Variants in MARCHF1 observed in about 807,000 individuals in gnomAD.
MARCHF1 encodes membrane associated ring-CH-type finger 1.
In MARCHF1, 40 loss-of-function variants were observed where a neutral mutation model predicts 54.2. The observed-to-expected ratio is 0.74, with a 90% CI of 0.57 to 0.96. The LOEUF is 0.96. MARCHF1 is among the 40% of genes least tolerant of loss of function. MARCHF1 has a pLI of 0.00. For synonymous variants in MARCHF1, 236 were observed against 236.3 expected (o/e 1.00, Z 0.01); for missense variants, 586 against 656.5 (o/e 0.89, Z 1.17).
At chr4:163,854,594 C>T (rs541880413) in intron 3 of MARCHF1, among the ~76,000 whole-genome samples, 5 of 152,022 alleles carry the variant, frequency 3.3e-5, no homozygotes, top group Non-Finnish European at 7.4e-5. Context: ...CTACAGAAGC[C>T]GAATAAATCG....
rs142778272 is a variant in MARCHF1, at chr4:164,071,679, C to G, written c.-248+39909G>C. On this transcript the variant is annotated intron_variant, in intron 2 of 9. Transcript: ENST00000514618. ...CCTTTGAGATGTTTTGCTGGTCTTACTTCTTTTTATAAGATCTATCTTTAG... is the reference window on the plus strand; with the variant it reads ...CCTTTGAGATGTTTTGCTGGTCTTAGTTCTTTTTATAAGATCTATCTTTAG... Among the ~76,000 whole-genome samples, 1,199 of 152,192 alleles carry G rather than the reference C, an allele frequency of 7.9e-3. 12 individuals are homozygous for G. The highest frequency in any genetic ancestry group is 0.051 in the Middle Eastern group (15 of 292).
intron 1 of MARCHF1, among the ~76,000 whole-genome samples, chr4:164,378,547 G>A (rs952841807): frequency 4.6e-5 from 7 of 152,160 alleles, no homozygotes; most frequent in Non-Finnish European, 7.3e-5. Flanking sequence ...GGCTGGGTGC[G>A]GTGGCTACGC....
At chr4:163,741,369 G>A (rs954995986) in intron 4 of MARCHF1, among the ~76,000 whole-genome samples, 1 of 152,078 alleles carries the variant, frequency 6.6e-6, no homozygotes, top group African/African-American at 2.4e-5. Flanking sequence ...TGGATTACTT[G>A]AGGTCAGGAG....
chr4:163,891,661 T>C (rs781149028), intron 3 of MARCHF1, among the ~76,000 whole-genome samples: 10 of 152,284 alleles, frequency 6.6e-5, no homozygotes, highest in Non-Finnish European at 1.2e-4. Context: ...TCTGTATCTC[T>C]TTCCCCCTGA....
intron 7 of MARCHF1, among the ~76,000 whole-genome samples, chr4:163,611,946 C>T (rs539099357): frequency 1.3e-5 from 2 of 152,234 alleles, no homozygotes; most frequent in African/African-American, 4.8e-5. Context: ...TAACATTTCA[C>T]ACAGTCTCAC....
chr4:163,797,875 G>GTTT (rs1747963648), intron 4 of MARCHF1, among the ~76,000 whole-genome samples: 1 of 144,728 alleles, frequency 6.9e-6, no homozygotes, highest in Non-Finnish European at 1.6e-5. Context: ...CTTTTCTCTT[G>GTTT]TTTTCTGCTC....
At chr4:163,750,328 G>C (rs1045906608) in intron 4 of MARCHF1, among the ~76,000 whole-genome samples, 1 of 151,662 alleles carries the variant, frequency 6.6e-6, no homozygotes, top group Non-Finnish European at 1.5e-5. Context: ...TGGCTAACAC[G>C]GTGAAACCCC....
chr4:164,099,948 A>T (rs1325866901), intron 2 of MARCHF1, among the ~76,000 whole-genome samples: 7 of 152,222 alleles, frequency 4.6e-5, no homozygotes, highest in Non-Finnish European at 1.0e-4. Context: ...CAAAGAAAAC[A>T]GCCACAGCTC....
intron 2 of MARCHF1, among the ~76,000 whole-genome samples, chr4:164,015,849 A>T (rs911472457): frequency 5.9e-5 from 9 of 152,142 alleles, no homozygotes; most frequent in Non-Finnish European, 1.0e-4. Flanking sequence ...CTGTTGGTAA[A>T]AATGTAAGTT....
intron 2 of MARCHF1, among the ~76,000 whole-genome samples, chr4:164,091,438 TGAATTGCACGCA>T (rs1755300749): frequency 1.2e-5 from 1 of 83,228 alleles, no homozygotes; most frequent in Non-Finnish European, 2.7e-5. Flanking sequence ...ATGTATAAAA[TGAATTGCACGCA>T]GTTAATATGT....
At chr4:163,544,710 C>CTAA (rs1560932616) in intron 9 of MARCHF1, among the ~76,000 whole-genome samples, 4 of 151,910 alleles carry the variant, frequency 2.6e-5, no homozygotes, top group African/African-American at 9.7e-5. Context: ...TACCTCCTCT[C>CTAA]TTTTTTTGTT....
chr4:163,634,574 T>C (rs889188081), intron 5 of MARCHF1, among the ~76,000 whole-genome samples: 1 of 151,990 alleles, frequency 6.6e-6, no homozygotes, highest in East Asian at 1.9e-4. Context: ...GCACCCAATA[T>C]AGGAGCACCA....
intron 1 of MARCHF1, among the ~76,000 whole-genome samples, chr4:164,235,300 A>G (rs1732517715): frequency 6.6e-6 from 1 of 152,140 alleles, no homozygotes; most frequent in Non-Finnish European, 1.5e-5. Context: ...AAAATTATCT[A>G]CTTATTCTTT....
At chr4:163,856,098 C>T (rs1389580469) in intron 3 of MARCHF1, among the ~76,000 whole-genome samples, 1 of 152,112 alleles carries the variant, frequency 6.6e-6, no homozygotes, top group Non-Finnish European at 1.5e-5. Context: ...TCATGTCTTC[C>T]TTGAAGCTGG....
chr4:163,817,240 GCT>G (rs1018724338), intron 4 of MARCHF1, among the ~76,000 whole-genome samples: 11 of 151,876 alleles, frequency 7.2e-5, no homozygotes, highest in African/African-American at 2.7e-4. Context: ...GTACACTTCA[GCT>G]CTGTTTGCTG....
At chr4:164,065,363 T>C (rs1754705024) in intron 2 of MARCHF1, among the ~76,000 whole-genome samples, 1 of 152,172 alleles carries the variant, frequency 6.6e-6, no homozygotes, top group South Asian at 2.1e-4. Flanking sequence ...GGCAATACCA[T>C]ATGGACATAG....
At chr4:163,894,287 T>A (rs1206524151) in intron 3 of MARCHF1, among the ~76,000 whole-genome samples, 1 of 152,106 alleles carries the variant, frequency 6.6e-6, no homozygotes, top group South Asian at 2.1e-4. Context: ...TTGCACTTTA[T>A]ATTGCAGTGG....
downstream of MARCHF1, chr4:163,524,663 G>T (rs1738038307): frequency 6.6e-6 from 1 of 152,098 alleles, no homozygotes; most frequent in Non-Finnish European, 1.5e-5. Flanking sequence ...ATGTGTGTTT[G>T]GATGTTGCAA....
intron 1 of MARCHF1, among the ~76,000 whole-genome samples, chr4:164,257,328 G>C (rs969507476): frequency 1.3e-5 from 2 of 151,396 alleles, no homozygotes; most frequent in Admixed American, 6.6e-5. Context: ...AATTTTTCTT[G>C]TTTCTCTTAT....
Sources: allele counts gnomAD v4.1 joint callset (sites outside exome capture counted in the v4.1 genomes callset), GRCh38; gene constraint gnomAD v4.1.1; transcripts MANE v1.5; gene names NCBI Gene and HGNC (gene_info 2026-07-23, HGNC 2026-07-21).